The following PHF8 variants were observed in gnomAD, a reference collection of about 807,000 sequenced individuals.
PHF8 encodes the protein PHD finger protein 8, also known as histone lysine demethylase PHF8.
PHF8 carries 9 observed loss-of-function variants against 74.4 expected under a neutral mutation model. The ratio of observed to expected loss-of-function variants is 0.12; its 90% confidence interval spans 0.07 to 0.21. The LOEUF is 0.21. Ranked by LOEUF, PHF8 falls within the 10% of genes least tolerant of loss-of-function variation. The pLI, the probability that PHF8 is intolerant of heterozygous loss-of-function variation, is 1.00. For missense variants in PHF8, 478 were observed against 816.6 expected, an observed-to-expected ratio of 0.59 and a Z score of 5.05; for synonymous variants, 311 against 316.6, an observed-to-expected ratio of 0.98 and a Z score of 0.19.
chrX:53,946,132 G>A (rs1433458245), intron 19 of PHF8, among the ~76,000 whole-genome samples: 1 of 112,542 alleles, frequency 8.9e-6, no homozygotes, highest in Non-Finnish European at 1.9e-5. Flanking sequence ...TAGAAGGAAT[G>A]ACAGAATTAG....
rs782518896 is a variant in PHF8 at position 53,987,767 on chromosome X, T to C, written c.1908A>G (p.Pro636=). The change falls in exon 15 of 22, where the codon CCA becomes CCG. Residue 636 remains proline, a splice_region_variant and synonymous_variant. Transcript: ENST00000338154. The part of the protein sequence containing the change: ...GKEKATLIIR[P]KFPRKLPRAK... ...GAAAAAGAAAGAACAGACACACACTTGGTCTTATTATCAGGGTCGCCTTCT... is the reference window on the plus strand; with the variant it reads ...GAAAAAGAAAGAACAGACACACACTCGGTCTTATTATCAGGGTCGCCTTCT... 1.7e-6 allele frequency: 2 copies of C among 1,186,028 alleles called. No individual in the cohort carries two copies. Among genetic ancestry groups the C allele is most frequent in the Non-Finnish European group, 2.3e-6 (2 of 877,732 alleles).
chrX:53,966,947 G>A (rs1242275304), intron 18 of PHF8, among the ~76,000 whole-genome samples: 8 of 109,842 alleles, frequency 7.3e-5, no homozygotes, highest in Non-Finnish European at 1.1e-4. Flanking sequence ...GGTGAGGAGC[G>A]TCTCTGCCCA....
At chrX:54,032,000 G>C (rs1051728201) in intron 2 of PHF8, among the ~76,000 whole-genome samples, 11 of 110,775 alleles carry the variant, frequency 9.9e-5, no homozygotes, top group Non-Finnish European at 1.5e-4. Flanking sequence ...AAGGAATAAT[G>C]ATCTACAGTA....
intron 19 of PHF8, among the ~76,000 whole-genome samples, chrX:53,959,251 G>A (rs1266723608): frequency 9.0e-6 from 1 of 111,234 alleles, no homozygotes; most frequent in African/African-American, 3.3e-5. Context: ...GTTCACAGAA[G>A]GTTACAAAAG....
At chrX:53,957,222 GGT>G (rs2065028243) in intron 19 of PHF8, among the ~76,000 whole-genome samples, 1 of 109,885 alleles carries the variant, frequency 9.1e-6, no homozygotes, top group Non-Finnish European at 1.9e-5. Flanking sequence ...TGGGTGCGGT[GGT>G]GCGTGCCTGT....
chrX:53,954,541 CA>C (rs1275264452), intron 19 of PHF8, among the ~76,000 whole-genome samples: 1 of 82,005 alleles, frequency 1.2e-5, no homozygotes, highest in Non-Finnish European at 2.4e-5. Context: ...AAAAAATCAG[CA>C]AAAAACTAGA....
intron 4 of PHF8, among the ~76,000 whole-genome samples, chrX:54,019,512 T>A (rs2149882633): frequency 9.2e-6 from 1 of 109,240 alleles, no homozygotes; most frequent in South Asian, 3.9e-4. Flanking sequence ...AAGTGTGAGC[T>A]GAGTACAGTG....
intron 18 of PHF8, 38 bp downstream of exon 18, chrX:53,984,876 C>G: frequency 9.3e-7 from 1 of 1,081,048 alleles, no homozygotes. Flanking sequence ...CTGAGGAGAC[C>G]CCTTCTGGCC....
intron 1 of PHF8, 88 bp from the exon 2 acceptor site, chrX:54,042,908 C>G: frequency 1.4e-6 from 1 of 725,423 alleles, no homozygotes; most frequent in Non-Finnish European, 1.9e-6. Context: ...ATAGAGTTAC[C>G]GCCGCCGGGA....
chrX:53,962,712 C>T (rs1162590106), intron 19 of PHF8, 132 bp downstream of exon 19: 1 of 521,633 alleles, frequency 1.9e-6, no homozygotes, highest in African/African-American at 2.3e-5. Flanking sequence ...ACACAGCAGA[C>T]ACTCAACAAA....
chrX:53,961,374 C>A (rs1434431181), intron 19 of PHF8, among the ~76,000 whole-genome samples: 1 of 109,130 alleles, frequency 9.2e-6, no homozygotes, highest in African/African-American at 3.3e-5. Context: ...GTTGCCCAGG[C>A]TGGAGTGCAA....
intron 7 of PHF8, among the ~76,000 whole-genome samples, chrX:54,013,572 C>G (rs1391492551): frequency 9.0e-6 from 1 of 110,956 alleles, no homozygotes; most frequent in Non-Finnish European, 1.9e-5. Context: ...AATCCCAACA[C>G]TTTGGGAGGT....
At position 54,036,274 on chromosome X, in the gene PHF8, C is replaced by G. The variant is rs142609159; in HGVS notation, c.98+6357G>C. ...CATGAAACATTTACCAAGATAGACTCTGGGCTATAAAACAAATCTCAATAA... is the reference window on the plus strand; with the variant it reads ...CATGAAACATTTACCAAGATAGACTGTGGGCTATAAAACAAATCTCAATAA... On this transcript the variant is annotated intron_variant, in intron 2 of 21. Coordinates refer to ENST00000338154, the MANE Select transcript of PHF8 (RefSeq NM_015107.3). 1.4e-3 allele frequency among the ~76,000 whole-genome samples: 155 copies of G among 110,310 alleles called. 2 individuals carry two copies. The East Asian group carries it at 0.034, about 24-fold the overall frequency.
Position 53,987,060 on chromosome X carries a change from T to G in PHF8, c.1995+18A>C. On this transcript the variant is annotated intron_variant, in intron 16 of 21. Transcript: ENST00000338154. ...TCACCAGAATGAGCAGAAGACTAGA[T>G]CCAGGGCAGAATCCTACCTCAATGT... The G allele has an allele frequency of 9.4e-7, 1 of 1,061,944 alleles. No individual in the cohort carries two copies. Among genetic ancestry groups the G allele is most frequent in the African/African-American group, 1.8e-5 (1 of 55,025 alleles). 87.5% of individuals were successfully genotyped at this position (1,061,944 alleles called of 1,213,427 possible).
At chrX:54,007,975 A>T (rs1241128231) in intron 8 of PHF8, among the ~76,000 whole-genome samples, 1 of 112,483 alleles carries the variant, frequency 8.9e-6, no homozygotes, top group Non-Finnish European at 1.9e-5. Flanking sequence ...AACACTATTC[A>T]TAACAGCCAA....
intron 2 of PHF8, among the ~76,000 whole-genome samples, chrX:54,025,946 C>G (rs782572144): frequency 9.0e-6 from 1 of 111,680 alleles, no homozygotes; most frequent in East Asian, 2.8e-4. Flanking sequence ...TGCCTTTCAT[C>G]CCCATATGCA....
intron 19 of PHF8, among the ~76,000 whole-genome samples, chrX:53,955,619 G>A (rs1387562892): frequency 2.1e-5 from 2 of 94,181 alleles, no homozygotes; most frequent in East Asian, 6.8e-4. Context: ...TGAACTTCTA[G>A]AACAATACTA....
chrX:53,968,841 G>A (rs1187751186), intron 18 of PHF8, among the ~76,000 whole-genome samples: 11 of 111,635 alleles, frequency 9.9e-5, no homozygotes, highest in East Asian at 5.6e-4. Context: ...CCCAGGAGGC[G>A]GAGGTTGCAG....
At chrX:54,004,687 T>G (rs1232371460) in intron 8 of PHF8, among the ~76,000 whole-genome samples, 6 of 111,059 alleles carry the variant, frequency 5.4e-5, no homozygotes, top group African/African-American at 1.6e-4. Flanking sequence ...TCCCAGCACT[T>G]TGGGAGGCCG....
Sources: gnomAD v4.1 joint callset for allele counts (sites outside exome capture counted in the v4.1 genomes callset) on GRCh38, gnomAD v4.1.1 for gene constraint, MANE v1.5 for transcripts, NCBI Gene and HGNC (gene_info 2026-07-23, HGNC 2026-07-21) for gene names.